Variants in FRMPD4 observed in about 807,000 individuals in gnomAD.
The protein encoded by FRMPD4 is FERM and PDZ domain containing 4, also known as FERM and PDZ domain-containing protein 4.
In FRMPD4, 22 loss-of-function variants were observed where a neutral mutation model predicts 94.1. That is an observed-to-expected ratio of 0.23 (90% CI 0.17 to 0.33). FRMPD4 has a LOEUF of 0.33. Ranked by LOEUF, FRMPD4 falls within the 10% of genes least tolerant of loss-of-function variation. The probability of loss-of-function intolerance (pLI) is 1.00; values close to 1 mark genes in which losing one functional copy is unlikely to be tolerated. For missense variants in FRMPD4, 1,111 were observed against 1,339.9 expected, an observed-to-expected ratio of 0.83 and a Z score of 2.67; for synonymous variants, 631 against 548.6, an observed-to-expected ratio of 1.15 and a Z score of -2.10.
At chrX:12,424,379 T>A (rs1180871543) in intron 1 of FRMPD4, among the ~76,000 whole-genome samples, 1 of 112,961 alleles carries the variant, frequency 8.9e-6, no homozygotes, top group Non-Finnish European at 1.9e-5. Flanking sequence ...TAGTAGGACT[T>A]CATTTTAAGA....
At chrX:12,380,909 A>G (rs1034484299) in intron 1 of FRMPD4, among the ~76,000 whole-genome samples, 3 of 112,035 alleles carry the variant, frequency 2.7e-5, no homozygotes, top group African/African-American at 9.7e-5. Context: ...AGGCAAAGCA[A>G]TTTATCTGAG....
chrX:12,448,930 G>A (rs1049778705), intron 1 of FRMPD4, among the ~76,000 whole-genome samples: 1 of 111,381 alleles, frequency 9.0e-6, no homozygotes, highest in Non-Finnish European at 1.9e-5. Context: ...GCTTAAGGGT[G>A]CTTAGGATCC....
chrX:12,345,131 A>AGGAT (rs372484963), intron 1 of FRMPD4, among the ~76,000 whole-genome samples: 13,714 of 97,451 alleles, frequency 0.14, 1,106 homozygotes, highest in African/African-American at 0.28. Flanking sequence ...GACAAATGAA[A>AGGAT]GGATGGATGG....
rs1401452397 is a variant in FRMPD4 at position 12,683,507 on chromosome X, G to A, written c.493G>A (p.Ala165Thr). 8.6e-7 allele frequency: 1 copy of A among 1,165,518 alleles called. No homozygotes were observed. The highest frequency in any genetic ancestry group is 1.8e-5 in the South Asian group (1 of 55,145). The change falls in exon 6 of 17, where the codon GCT becomes ACT. Residue 165 changes from alanine (A) to threonine (T), a missense_variant. By Grantham distance (58) the Ala-to-Thr change is moderately conservative. Around this residue, in one of 8 missense-constraint regions of FRMPD4, gnomAD observed 140 missense variants for 165.9 expected, o/e 0.84. Coordinates refer to ENST00000675598, the MANE Select transcript of FRMPD4 (RefSeq NM_001368397.1). ...YPSPKSAFIS[A>T]AKKARLKSNP... ...GTCTCCCAAATCAGCATTTATTAGT[G>A]CTGCAAAAAAGGCAAGATTAAAGTC...
chrX:12,006,746 A>G (rs1172247759), intron 3 of FRMPD4, among the ~76,000 whole-genome samples: 3 of 111,964 alleles, frequency 2.7e-5, no homozygotes, highest in Non-Finnish European at 5.6e-5. Flanking sequence ...AGCAGGAGGT[A>G]GATTTTCGTA....
At chrX:12,096,939 C>T (rs1420637568) in intron 3 of FRMPD4, among the ~76,000 whole-genome samples, 1 of 110,543 alleles carries the variant, frequency 9.0e-6, no homozygotes, top group East Asian at 2.8e-4. Context: ...TATACATTAG[C>T]CAGGGACTAT....
chrX:12,416,183 G>A lies in FRMPD4; in HGVS notation c.42-82497G>A, dbSNP rs4373695. On this transcript the variant is annotated intron_variant, in intron 1 of 16. Coordinates refer to ENST00000675598, the MANE Select transcript of FRMPD4 (RefSeq NM_001368397.1). ...TTTCTCCTCCCTTTCTACCTCTTCC[G>A]CCCTTCCTCCTCCTTTCTTCCCTTT... 1.0e-4 allele frequency among the ~76,000 whole-genome samples: 11 copies of A among 105,658 alleles called. No homozygotes were observed. In the East Asian group the frequency reaches 1.7e-3, roughly 17 times the overall value. 91.8% of individuals were successfully genotyped at this position (105,658 alleles called of 115,157 possible). A position where few individuals can be genotyped will look rare whatever the true frequency, so the allele number is the denominator to read the frequency against.
chrX:11,907,993 C>T (rs769621169), intron 3 of FRMPD4, among the ~76,000 whole-genome samples: 60 of 109,794 alleles, frequency 5.5e-4, no homozygotes, highest in South Asian at 1.6e-3. Flanking sequence ...TCCTCTTTCT[C>T]CTCCTCTTCC....
rs751715593 is a variant in FRMPD4 at position 12,539,479 on chromosome X, A to G, written c.158+40683A>G. 7.2e-5 allele frequency among the ~76,000 whole-genome samples: 8 copies of G among 111,887 alleles called. No homozygotes were observed. In the East Asian group the frequency reaches 1.7e-3, roughly 23 times the overall value. On this transcript the variant is annotated intron_variant, in intron 2 of 16. Coordinates refer to ENST00000675598, the MANE Select transcript of FRMPD4 (RefSeq NM_001368397.1). ...CTCGAGAAGAGCAACTGCAAGACAC[A>G]TATTTGTCAGATTCACCAAAGTTGA...
At chrX:12,326,997 A>G (rs750024432) in intron 1 of FRMPD4, among the ~76,000 whole-genome samples, 2 of 111,051 alleles carry the variant, frequency 1.8e-5, no homozygotes, top group East Asian at 5.7e-4. Flanking sequence ...TCACAAAATG[A>G]GAAATTTAGG....
chrX:12,368,493 G>A (rs184184007), intron 1 of FRMPD4, among the ~76,000 whole-genome samples: 6 of 110,807 alleles, frequency 5.4e-5, no homozygotes, highest in African/African-American at 2.0e-4. Context: ...TACCTGGCGA[G>A]GGAACATGTT....
At chrX:11,858,643 A>T (rs2053667100) in intron 1 of FRMPD4, among the ~76,000 whole-genome samples, 1 of 111,079 alleles carries the variant, frequency 9.0e-6, no homozygotes, top group Non-Finnish European at 1.9e-5. Context: ...TGTACAACAA[A>T]CCCCCATGAC....
At chrX:12,605,163 C>T (rs147522406) in intron 2 of FRMPD4, among the ~76,000 whole-genome samples, 2,107 of 112,150 alleles carry the variant, frequency 0.019, 49 homozygotes, top group African/African-American at 0.066. Flanking sequence ...TCAGTTCTCA[C>T]GTTCACACTG....
intron 1 of FRMPD4, among the ~76,000 whole-genome samples, chrX:11,850,604 G>T (rs2053615571): frequency 8.9e-6 from 1 of 112,281 alleles, no homozygotes; most frequent in South Asian, 3.7e-4. Flanking sequence ...ACATACAGTG[G>T]ATTATTATTC....
chrX:11,838,954 GT>G (rs1037767259), intron 1 of FRMPD4, among the ~76,000 whole-genome samples: 16 of 111,602 alleles, frequency 1.4e-4, no homozygotes, highest in African/African-American at 5.2e-4. Flanking sequence ...TCATATACAA[GT>G]GTTTATGTGG....
chrX:11,887,102 T>G (rs2053849903), intron 3 of FRMPD4, among the ~76,000 whole-genome samples: 1 of 112,239 alleles, frequency 8.9e-6, no homozygotes, highest in African/African-American at 3.2e-5. Flanking sequence ...TAGATTACTG[T>G]AACTTCTTCA....
intron 1 of FRMPD4, among the ~76,000 whole-genome samples, chrX:12,421,931 C>T (rs34488358): frequency 1.8e-5 from 2 of 110,643 alleles, no homozygotes. Context: ...ATGTTCTTCC[C>T]TCTTGCCCTT....
chrX:12,344,922 GA>G (rs1346635276), intron 1 of FRMPD4, among the ~76,000 whole-genome samples: 2 of 111,766 alleles, frequency 1.8e-5, no homozygotes, highest in African/African-American at 6.5e-5. Flanking sequence ...CACAAAGCAG[GA>G]AAAAAATCGT....
rs751682476 is a variant in FRMPD4, at chrX:12,072,939, A to G, written c.95+194921A>G. Among the ~76,000 whole-genome samples, 3 of 110,243 alleles carry G rather than the reference A, an allele frequency of 2.7e-5. 1 individual carries two copies. The highest frequency in any genetic ancestry group is 9.9e-5 in the African/African-American group (3 of 30,350). ...ATTATTTATATATATATGTATATAT[A>G]TATTCATGCAACATGTACTGTATCA... On this transcript the variant is annotated intron_variant, in intron 3 of 18. Transcript: ENST00000640291.
Sources: allele counts gnomAD v4.1 joint callset (sites outside exome capture counted in the v4.1 genomes callset), GRCh38; gene constraint gnomAD v4.1.1; regional missense constraint gnomAD v4.1.1; transcripts MANE v1.5; gene names NCBI Gene and HGNC (gene_info 2026-07-23, HGNC 2026-07-21).